Variants in THAP8 observed in about 807,000 individuals in gnomAD.
THAP8 encodes THAP domain-containing protein 8.
Under a neutral mutation model 25.0 loss-of-function variants are expected in THAP8, and 24 were observed. The ratio of observed to expected loss-of-function variants is 0.96; its 90% CI spans 0.69 to 1.35. The LOEUF is 1.35. Among genes scored for constraint, THAP8 ranks in the 40% most tolerant of loss-of-function variants. THAP8 has a pLI of 0.00. For synonymous variants in THAP8, 169 were observed against 157.6 expected (o/e 1.07, Z -0.54); for missense variants, 399 against 368.8 (o/e 1.08, Z -0.67).
chr19:36,035,419 C>G lies in THAP8; in HGVS notation c.*21G>C. 1 of 1,602,164 alleles carries G rather than the reference C, an allele frequency of 6.2e-7. No individual in the cohort carries two copies. Among genetic ancestry groups the G allele is most frequent in the South Asian group, 1.1e-5 (1 of 90,518 alleles). On this transcript the variant is annotated 3_prime_UTR_variant, in exon 4 of 4. Coordinates refer to ENST00000292894, the MANE Select transcript of THAP8 (RefSeq NM_152658.3). ...CCTCCATCTTCTATCTTTTGTCCCT[C>G]GACATTGTCTGTCTTGATCCTTATG...
In THAP8 at chr19:36,040,011, C is replaced by T. The variant is rs3810449; in HGVS notation, c.209G>A (p.Arg70His). Residue 70 changes from arginine to histidine, a missense_variant, in exon 2 of 4, where the codon CGC becomes CAC. Coordinates refer to ENST00000292894, the MANE Select transcript of THAP8 (RefSeq NM_152658.3). ...AGGCCGCAGGTAGCGCACACCCCAG[C>T]GCCACTGGAAGCAGGAGGGTGTGAA... ...EHFTPSCFQW[R>H]WGVRYLRPDA... 67,974 of 1,613,740 alleles carry T rather than the reference C, an allele frequency of 0.042. 2,391 individuals are homozygous for T. The highest frequency in any genetic ancestry group is 0.22 in the East Asian group (9,892 of 44,842).
chr19:36,044,397 G>GT, intron 1 of THAP8, among the ~76,000 whole-genome samples: 1 of 150,980 alleles, frequency 6.6e-6, no homozygotes, highest in East Asian at 2.0e-4. Flanking sequence ...TGGAAAATCA[G>GT]TATCAATTCC....
At chr19:36,054,640 G>T (rs1408907894), upstream of THAP8, 1 of 551,674 alleles carries the variant, frequency 1.8e-6, no homozygotes, top group Admixed American at 3.1e-5. Flanking sequence ...AAAAACCGAG[G>T]TGAGGCGGCC....
chr19:36,054,198 G>A lies in THAP8; in HGVS notation c.20C>T (p.Ala7Val), dbSNP rs1435339671. 15 of 1,613,844 alleles carry A rather than the reference G, an allele frequency of 9.3e-6. No individual in the cohort carries two copies. The highest frequency in any genetic ancestry group is 1.3e-5 in the Non-Finnish European group (15 of 1,179,894). The change falls in exon 1 of 4, where the codon GCG becomes GTG. Residue 7 changes from alanine to valine, a missense_variant. Ala to Val is a moderately conservative substitution (Grantham distance 64, BLOSUM62 0). Transcript: ENST00000292894. ...GCCCGCAGTGTTGGAGCAGTTCGGC[G>A]CCCTGCAGTACTTGGGCATGGCTAT... The part of the protein sequence containing the change: MPKYCR[A>V]PNCSNTAGRL...
intron 3 of THAP8, among the ~76,000 whole-genome samples, chr19:36,035,882 A>G (rs892318939): frequency 6.6e-5 from 10 of 151,946 alleles, no homozygotes; most frequent in Non-Finnish European, 1.5e-4. Context: ...ACAGGGTCAG[A>G]GATATGGGGG....
intron 1 of THAP8, among the ~76,000 whole-genome samples, chr19:36,049,375 A>AG (rs1295969362): frequency 6.6e-6 from 1 of 151,990 alleles, no homozygotes; most frequent in African/African-American, 2.4e-5. Context: ...AAAAAAAAAA[A>AG]AGAGAGAGTG....
At chr19:36,050,003 G>A (rs1203666729) in intron 1 of THAP8, among the ~76,000 whole-genome samples, 7 of 146,478 alleles carry the variant, frequency 4.8e-5, no homozygotes, top group East Asian at 2.0e-4. Flanking sequence ...GCAGTGAGCC[G>A]AGATCATACC....
At position 36,054,125 on chromosome 19, in the gene THAP8, C is replaced by G. The variant is rs1165950468; in HGVS notation, c.83+10G>C. 6.2e-7 allele frequency: 1 copy of G among 1,612,504 alleles called. No homozygotes were observed. The highest frequency in any genetic ancestry group is 1.3e-5 in the African/African-American group (1 of 74,898). ...CGCCTCCCTCAAGCCCCGCCCCGCG[C>G]TGCGCTCACTTGTAGAAGCTCACAG... On this transcript the variant is annotated intron_variant, in intron 1 of 3. Coordinates refer to ENST00000292894, the MANE Select transcript of THAP8 (RefSeq NM_152658.3).
chr19:36,036,427 C>A (rs1969448474), intron 3 of THAP8, among the ~76,000 whole-genome samples: 1 of 152,190 alleles, frequency 6.6e-6, no homozygotes, highest in African/African-American at 2.4e-5. Flanking sequence ...AGGTGCAACA[C>A]TTGGCTAATT....
At chr19:36,048,854 AAACAAAAAAAC>A (rs1253488473) in intron 1 of THAP8, among the ~76,000 whole-genome samples, 1 of 134,458 alleles carries the variant, frequency 7.4e-6, no homozygotes, top group East Asian at 2.1e-4. Flanking sequence ...AAAAAAAAAA[AAACAAAAAAAC>A]AAAAAACACC....
intron 1 of THAP8, among the ~76,000 whole-genome samples, chr19:36,044,957 C>T (rs1969823862): frequency 6.6e-6 from 1 of 152,164 alleles, no homozygotes. Flanking sequence ...TATTGTCAGG[C>T]ACACATTATG....
intron 1 of THAP8, among the ~76,000 whole-genome samples, chr19:36,048,851 A>G (rs200585471): frequency 2.9e-5 from 4 of 136,986 alleles, no homozygotes; most frequent in African/African-American, 1.1e-4. Context: ...TAAAAAAAAA[A>G]AAAAACAAAA....
chr19:36,052,838 T>C (rs1970092613), intron 1 of THAP8, among the ~76,000 whole-genome samples: 1 of 152,238 alleles, frequency 6.6e-6, no homozygotes, highest in South Asian at 2.1e-4. Flanking sequence ...CATCTCTGAC[T>C]TTAGACAACC....
intron 1 of THAP8, among the ~76,000 whole-genome samples, chr19:36,053,303 G>A (rs1338642446): frequency 7.4e-6 from 1 of 135,228 alleles, no homozygotes; most frequent in East Asian, 2.2e-4. Context: ...CCTGACCTCA[G>A]GTGATCTGCC....
chr19:36,045,474 G>T (rs552864632), intron 1 of THAP8, among the ~76,000 whole-genome samples: 29 of 152,042 alleles, frequency 1.9e-4, no homozygotes, highest in African/African-American at 6.8e-4. Flanking sequence ...TTGCCTTGTT[G>T]CCCAGGCTGG....
chr19:36,036,011 AG>A (rs1969428594), intron 3 of THAP8, among the ~76,000 whole-genome samples: 1 of 152,144 alleles, frequency 6.6e-6, no homozygotes, highest in Admixed American at 6.6e-5. Context: ...AGGTAGGGAT[AG>A]ATGAGTAGGA....
At chr19:36,037,338 T>C (rs1177790519) in intron 3 of THAP8, among the ~76,000 whole-genome samples, 6 of 77,464 alleles carry the variant, frequency 7.7e-5, no homozygotes, top group South Asian at 4.8e-4. Context: ...CTCAAATTCC[T>C]CCCCTACACA....
In THAP8 at chr19:36,054,190, A is replaced by G. The variant is rs1184279570; in HGVS notation, c.28T>C (p.Cys10Arg). ...CCCAGGCGGCCCGCAGTGTTGGAGC[A>G]GTTCGGCGCCCTGCAGTACTTGGGC... MPKYCRAPN[C>R]SNTAGRLGAD... is the part of the protein sequence containing the mutation. The change falls in exon 1 of 4, where the codon TGC becomes CGC. Residue 10 changes from cysteine (C) to arginine (R), a missense_variant. Physicochemically the swap from Cys to Arg is radical, Grantham distance 180 (BLOSUM62 -3). Transcript: ENST00000292894. The G allele has an allele frequency of 6.2e-7, 1 of 1,613,922 alleles. No homozygotes were observed. Among genetic ancestry groups the G allele is most frequent in the Non-Finnish European group, 8.5e-7 (1 of 1,179,934 alleles).
At position 36,054,256 on chromosome 19, in the gene THAP8, C is replaced by T; in HGVS notation, c.-39G>A. The T allele has an allele frequency of 1.2e-6, 2 of 1,600,794 alleles. No individual in the cohort carries two copies. Among genetic ancestry groups the T allele is most frequent in the Non-Finnish European group, 8.5e-7 (1 of 1,173,534 alleles). ...CCGCTGAGTTTTGCCGGGTCAGCGG[C>T]TGCACTTTGGTTCTCGCGGAGCGCC... On this transcript the variant is annotated 5_prime_UTR_variant, in exon 1 of 4. Transcript: ENST00000292894.
Sources: gnomAD v4.1 joint callset for allele counts (sites outside exome capture counted in the v4.1 genomes callset) on GRCh38, gnomAD v4.1.1 for gene constraint, MANE v1.5 for transcripts, NCBI Gene and HGNC (gene_info 2026-07-23, HGNC 2026-07-21) for gene names.